Variants in SRBD1 observed in about 807,000 individuals in gnomAD.
SRBD1 encodes S1 RNA binding domain 1, also known as S1 RNA-binding domain-containing protein 1.
SRBD1 carries 88 observed loss-of-function variants against 115.3 expected under a neutral mutation model. That is an observed-to-expected ratio of 0.76 (90% CI 0.64 to 0.91). SRBD1 has a LOEUF of 0.91. Among genes scored for constraint, SRBD1 ranks in the 40% least tolerant of loss-of-function variants. The pLI is 0.00. For synonymous variants in SRBD1, 509 were observed against 407.7 expected (o/e 1.25, Z -2.99); for missense variants, 1,385 against 1,177.4 (o/e 1.18, Z -2.58).
At chr2:45,594,662 T>A (rs1673837951) in intron 4 of SRBD1, among the ~76,000 whole-genome samples, 1 of 152,232 alleles carries the variant, frequency 6.6e-6, no homozygotes, top group Non-Finnish European at 1.5e-5. Flanking sequence ...TAATGTCTGT[T>A]AAAACATTAT....
At chr2:45,572,554 T>C (rs1572793127) in intron 9 of SRBD1, among the ~76,000 whole-genome samples, 1 of 152,178 alleles carries the variant, frequency 6.6e-6, no homozygotes, top group Middle Eastern at 3.4e-3. Flanking sequence ...ACATGAAATA[T>C]TACAGGAAGT....
In SRBD1 at chr2:45,389,170, A is replaced by C. The variant is rs1271138102; in HGVS notation, c.*140T>G. ...TTCTATTTATTCAGAAGAAAAAATAAAGGAAAGTGTTTGGAAAATATTTCT... is the reference window on the plus strand; with the variant it reads ...TTCTATTTATTCAGAAGAAAAAATACAGGAAAGTGTTTGGAAAATATTTCT... On this transcript the variant is annotated 3_prime_UTR_variant, in exon 21 of 21. Transcript: ENST00000263736. The C allele has an allele frequency of 9.6e-7, 1 of 1,043,292 alleles. No homozygotes were observed. Among genetic ancestry groups the C allele is most frequent in the East Asian group, 2.6e-5 (1 of 38,234 alleles). The allele number at this position is 1,043,292 out of a possible 1,614,324, so 64.6% of individuals were successfully genotyped here.
chr2:45,431,770 G>A (rs1239873934), intron 16 of SRBD1, among the ~76,000 whole-genome samples: 1 of 151,838 alleles, frequency 6.6e-6, no homozygotes, highest in Non-Finnish European at 1.5e-5. Context: ...AGAACTTAAA[G>A]TATAATAGAA....
chr2:45,456,054 A>G (rs957865178), intron 16 of SRBD1, among the ~76,000 whole-genome samples: 2 of 151,772 alleles, frequency 1.3e-5, no homozygotes, highest in African/African-American at 4.8e-5. Flanking sequence ...TTACTAAATA[A>G]CCTCCTGGCA....
intron 16 of SRBD1, among the ~76,000 whole-genome samples, chr2:45,431,092 A>G (rs910384590): frequency 6.6e-6 from 1 of 152,226 alleles, no homozygotes; most frequent in Non-Finnish European, 1.5e-5. Flanking sequence ...AATGAGATAC[A>G]ATCTCACGCT....
intron 14 of SRBD1, among the ~76,000 whole-genome samples, chr2:45,497,027 C>T (rs1170605337): frequency 6.6e-6 from 1 of 152,164 alleles, no homozygotes; most frequent in Admixed American, 6.5e-5. Context: ...GTTCAGCCGG[C>T]TGCTTCTTAA....
At chr2:45,503,617 T>G (rs891261664) in intron 14 of SRBD1, among the ~76,000 whole-genome samples, 4 of 152,208 alleles carry the variant, frequency 2.6e-5, no homozygotes, top group South Asian at 2.1e-4. Flanking sequence ...TCTATTGTAC[T>G]TCAAATTAAG....
intron 16 of SRBD1, among the ~76,000 whole-genome samples, chr2:45,468,639 C>T (rs954044504): frequency 5.3e-5 from 8 of 152,136 alleles, no homozygotes; most frequent in Non-Finnish European, 8.8e-5. Context: ...CCTCCTACCT[C>T]GGCCTCCCAA....
chr2:45,447,372 A>C (rs963525796), intron 16 of SRBD1: 1 of 152,242 alleles, frequency 6.6e-6, no homozygotes, highest in African/African-American at 2.4e-5. Context: ...GCTTGAACTC[A>C]GGGAAGCAGA....
At chr2:45,576,116 A>ACTCCTC (rs149307230) in intron 7 of SRBD1, among the ~76,000 whole-genome samples, 2 of 150,516 alleles carry the variant, frequency 1.3e-5, no homozygotes, top group African/African-American at 2.5e-5. Context: ...GACAGAAACA[A>ACTCCTC]CTCCTCCTCC....
At chr2:45,542,006 T>A (rs1448777947) in intron 14 of SRBD1, among the ~76,000 whole-genome samples, 1 of 151,828 alleles carries the variant, frequency 6.6e-6, no homozygotes. Flanking sequence ...GAGGTGGGGG[T>A]TTCACTGAGA....
At chr2:45,575,374 T>C (rs1014035683) in intron 7 of SRBD1, among the ~76,000 whole-genome samples, 1 of 152,238 alleles carries the variant, frequency 6.6e-6, no homozygotes, top group Non-Finnish European at 1.5e-5. Context: ...CAATGAATCT[T>C]GTAAATCAAG....
intron 19 of SRBD1, among the ~76,000 whole-genome samples, chr2:45,411,059 A>T (rs767082009): frequency 3.3e-5 from 5 of 152,198 alleles, no homozygotes; most frequent in Non-Finnish European, 5.9e-5. Context: ...TCCTGAAGTT[A>T]CAGGTCACAA....
At chr2:45,587,667 G>C (rs1037923623) in intron 4 of SRBD1, among the ~76,000 whole-genome samples, 2 of 152,054 alleles carry the variant, frequency 1.3e-5, no homozygotes, top group Non-Finnish European at 2.9e-5. Context: ...AGACTATAGA[G>C]GATATCTCAT....
chr2:45,399,168 C>T (rs779881392), intron 19 of SRBD1, among the ~76,000 whole-genome samples: 9 of 151,952 alleles, frequency 5.9e-5, no homozygotes, highest in Non-Finnish European at 8.8e-5. Flanking sequence ...ATTCCCCTGC[C>T]CAAATGATAA....
chr2:45,419,965 A>G (rs1482148967), intron 16 of SRBD1, 71 bp from the exon 17 acceptor site: 4 of 1,345,766 alleles, frequency 3.0e-6, no homozygotes, highest in African/African-American at 2.9e-5. Context: ...TACTCTGCCT[A>G]TATTACTGGT....
chr2:45,564,619 A>AT (rs927534408), intron 9 of SRBD1, among the ~76,000 whole-genome samples: 38 of 152,258 alleles, frequency 2.5e-4, no homozygotes, highest in African/African-American at 6.5e-4. Flanking sequence ...TCTGAAAATA[A>AT]TTTTTTTTAA....
rs1669939011 is a variant in SRBD1, at chr2:45,480,789, A to G, written c.1967-3714T>C. The stretch of plus-strand genomic sequence containing the variant: ...TGAATGTAAAAGGCTACCAAACAGC[A>G]TCACATGCTACAGAGAAACCTTCAC... On this transcript the variant is annotated intron_variant, in intron 15 of 20. Coordinates refer to ENST00000263736, the MANE Select transcript of SRBD1 (RefSeq NM_018079.5). 2.0e-5 allele frequency among the ~76,000 whole-genome samples: 3 copies of G among 152,204 alleles called. No homozygotes were observed. In the South Asian group the frequency reaches 6.2e-4, roughly 31 times the overall value.
At chr2:45,518,116 A>G (rs1483392725) in intron 14 of SRBD1, among the ~76,000 whole-genome samples, 1 of 152,180 alleles carries the variant, frequency 6.6e-6, no homozygotes, top group Non-Finnish European at 1.5e-5. Context: ...GTGTCTTAAA[A>G]TGGGTAACAT....
Sources: allele counts gnomAD v4.1 joint callset (sites outside exome capture counted in the v4.1 genomes callset), GRCh38; gene constraint gnomAD v4.1.1; transcripts MANE v1.5; gene names NCBI Gene and HGNC (gene_info 2026-07-23, HGNC 2026-07-21).